VPS35L: variants seen among roughly 807,000 people sequenced by gnomAD.
VPS35L encodes the protein VPS35 endosomal protein sorting factor like.
In VPS35L, 83 loss-of-function variants were observed where a neutral mutation model predicts 133.0. That is an observed-to-expected ratio of 0.62 (90% CI 0.52 to 0.75). The LOEUF (loss-of-function observed/expected upper bound fraction) is 0.75, where lower values mean the gene tolerates loss of function less well. VPS35L is among the 30% of genes least tolerant of loss of function. The pLI is 0.00. For missense variants in VPS35L, 1,083 were observed against 1,206.8 expected, an observed-to-expected ratio of 0.90 and a Z score of 1.52; for synonymous variants, 423 against 449.9, an observed-to-expected ratio of 0.94 and a Z score of 0.76.
chr16:19,625,162 C>T (rs979303107), intron 14 of VPS35L, among the ~76,000 whole-genome samples: 5 of 152,106 alleles, frequency 3.3e-5, no homozygotes, highest in African/African-American at 1.2e-4. Flanking sequence ...AGAACGTGGC[C>T]TTTGATCCCA....
At chr16:19,674,808 A>G (rs769803194) in intron 27 of VPS35L, among the ~76,000 whole-genome samples, 18 of 151,874 alleles carry the variant, frequency 1.2e-4, no homozygotes, top group East Asian at 3.9e-4. Flanking sequence ...CTCATGCAAT[A>G]TTTGTCTTCC....
chr16:19,659,231 G>T (rs895040778), intron 26 of VPS35L, among the ~76,000 whole-genome samples: 1 of 152,126 alleles, frequency 6.6e-6, no homozygotes, highest in African/African-American at 2.4e-5. Flanking sequence ...ATGAGCTACT[G>T]CATGGATGAG....
chr16:19,644,233 T>G (rs1045112204), intron 22 of VPS35L, among the ~76,000 whole-genome samples: 2 of 152,168 alleles, frequency 1.3e-5, no homozygotes, highest in Non-Finnish European at 2.9e-5. Context: ...TAGAAGCAAC[T>G]GAGACCTGAG....
chr16:19,600,059 G>GTAGA (rs1458075652), intron 8 of VPS35L, among the ~76,000 whole-genome samples: 4 of 152,046 alleles, frequency 2.6e-5, no homozygotes, highest in Admixed American at 6.6e-5. Context: ...AGGAATGAAT[G>GTAGA]TAGATAGGAA....
chr16:19,643,002 T>A (rs1973832647), intron 22 of VPS35L, among the ~76,000 whole-genome samples: 1 of 152,218 alleles, frequency 6.6e-6, no homozygotes, highest in Non-Finnish European at 1.5e-5. Flanking sequence ...TATTTGTGGC[T>A]GAAATTTTAG....
chr16:19,566,804 C>T (rs1233121561), intron 2 of VPS35L, among the ~76,000 whole-genome samples: 1 of 151,408 alleles, frequency 6.6e-6, no homozygotes, highest in African/African-American at 2.4e-5. Flanking sequence ...GGCTGGAGTG[C>T]AATGGCACAA....
chr16:19,679,794 C>T (rs369819859), intron 27 of VPS35L, among the ~76,000 whole-genome samples: 5 of 152,188 alleles, frequency 3.3e-5, no homozygotes, highest in South Asian at 2.1e-4. Context: ...CGTGAGCCAC[C>T]GCTATCTAGC....
intron 28 of VPS35L, 110 bp from the exon 29 acceptor site, chr16:19,691,243 C>A: frequency 2.4e-6 from 2 of 850,122 alleles, no homozygotes; most frequent in South Asian, 3.0e-5. Flanking sequence ...TGCCCTGCCA[C>A]GACTTCCTGC....
chr16:19,623,585 G>A (rs1973151978), intron 14 of VPS35L, among the ~76,000 whole-genome samples: 1 of 151,968 alleles, frequency 6.6e-6, no homozygotes, highest in Admixed American at 6.6e-5. Flanking sequence ...GGGTTTTGGG[G>A]TAGGGATTCC....
At chr16:19,690,808 A>T (rs573253575) in intron 28 of VPS35L, among the ~76,000 whole-genome samples, 25 of 152,072 alleles carry the variant, frequency 1.6e-4, no homozygotes, top group African/African-American at 4.8e-4. Context: ...AGAATAAATT[A>T]AAAAAATAGC....
intron 3 of VPS35L, 88 bp downstream of exon 3, chr16:19,569,679 T>C (rs1385921967): frequency 3.0e-6 from 4 of 1,316,808 alleles, no homozygotes; most frequent in East Asian, 2.6e-5. Flanking sequence ...CCCTTTTTTT[T>C]CCCCTGAGAG....
In VPS35L at chr16:19,624,349, G is replaced by A. The variant is rs939831112; in HGVS notation, c.1225-1828G>A. On this transcript the variant is annotated intron_variant, in intron 14 of 30. Transcript: ENST00000417362. ...TGTAATCCCAGCACTTTGCAGGGCT[G>A]AGGCGGGCAGATTGCCTGAGGTCAG... Among the ~76,000 whole-genome samples, 7 of 151,950 alleles carry A rather than the reference G, an allele frequency of 4.6e-5. No homozygotes were observed. The East Asian group carries it at 5.8e-4, about 13-fold the overall frequency.
intron 28 of VPS35L, among the ~76,000 whole-genome samples, chr16:19,684,902 C>CA (rs1405747577): frequency 1.3e-5 from 2 of 151,954 alleles, no homozygotes; most frequent in East Asian, 1.9e-4. Context: ...ACTAAAAATA[C>CA]AAAAAAATTA....
chr16:19,651,907 G>A (rs1234870489), intron 25 of VPS35L, 69 bp from the exon 26 acceptor site: 1 of 1,095,712 alleles, frequency 9.1e-7, no homozygotes, highest in Non-Finnish European at 1.4e-6. Flanking sequence ...AATACATGAG[G>A]GATGAAAACA....
At chr16:19,616,592 GCTTACAAGTATGCACAGT>G (rs1257885042) in intron 13 of VPS35L, 76 bp from the exon 14 acceptor site, 2 of 1,475,530 alleles carry the variant, frequency 1.4e-6, no homozygotes, top group Non-Finnish European at 1.8e-6. Context: ...CTGTCCACAT[GCTTACAAGTATGCACAGT>G]CTGTGAGTTG....
intron 18 of VPS35L, 52 bp downstream of exon 18, chr16:19,629,872 A>G (rs965068169): frequency 4.5e-6 from 7 of 1,539,418 alleles, no homozygotes; most frequent in East Asian, 2.2e-5. Context: ...TTTCATGTTT[A>G]TAATAGTGAA....
rs186113860 is a variant in VPS35L, at chr16:19,609,530, A to G, written c.929+509A>G. ...CAGAAGCCTTTGCCCTTAGTGGCTT[A>G]GGTCCATGCCACTCAATTTATCACA... On this transcript the variant is annotated intron_variant, in intron 11 of 30. Coordinates refer to ENST00000417362, the MANE Select transcript of VPS35L (RefSeq NM_020314.7). Among the ~76,000 whole-genome samples, 13 of 152,328 alleles carry G rather than the reference A, an allele frequency of 8.5e-5. No individual in the cohort carries two copies. In the East Asian group the frequency reaches 2.3e-3, roughly 27 times the overall value.
At chr16:19,682,113 C>T (rs913358039) in intron 27 of VPS35L, 112 bp from the exon 28 acceptor site, 75 of 1,224,354 alleles carry the variant, frequency 6.1e-5, no homozygotes, top group Non-Finnish European at 8.0e-5. Context: ...TAACTGACAA[C>T]GTTAATTTCT....
At chr16:19,652,225 G>A in intron 26 of VPS35L, 135 bp downstream of exon 26, 1 of 684,106 alleles carries the variant, frequency 1.5e-6, no homozygotes, top group Non-Finnish European at 2.5e-6. Flanking sequence ...CACCCAGGCT[G>A]GAATGTAGTA....
Sources: allele counts gnomAD v4.1 joint callset (sites outside exome capture counted in the v4.1 genomes callset), GRCh38; gene constraint gnomAD v4.1.1; transcripts MANE v1.5; gene names NCBI Gene and HGNC (gene_info 2026-07-23, HGNC 2026-07-21).